RASAL2: variants seen among roughly 807,000 people sequenced by gnomAD.
RASAL2 encodes the protein RAS protein activator like 2, also known as ras GTPase-activating protein nGAP.
A neutral mutation model predicts 128.9 loss-of-function variants in RASAL2; 58 were observed. The ratio of observed to expected loss-of-function variants is 0.45; its 90% CI spans 0.36 to 0.56. The LOEUF is 0.56. Among genes scored for constraint, RASAL2 ranks in the 20% least tolerant of loss-of-function variants. The probability of loss-of-function intolerance (pLI) is 0.00; values close to 1 mark genes in which losing one functional copy is unlikely to be tolerated. For synonymous variants in RASAL2, 561 were observed against 580.8 expected, an observed-to-expected ratio of 0.97 and a Z score of 0.49; for missense variants, 1,360 against 1,601.6, an observed-to-expected ratio of 0.85 and a Z score of 2.57.
intron 2 of RASAL2, among the ~76,000 whole-genome samples, chr1:178,290,774 C>G (rs933113173): frequency 6.6e-6 from 1 of 152,086 alleles, no homozygotes; most frequent in African/African-American, 2.4e-5. Flanking sequence ...CTCCTGGGTT[C>G]ACGCCATTCT....
chr1:178,379,057 G>A (rs1332548014), intron 3 of RASAL2, among the ~76,000 whole-genome samples: 2 of 152,038 alleles, frequency 1.3e-5, no homozygotes, highest in East Asian at 3.9e-4. Context: ...CATGAAAAAA[G>A]GGTATAATTA....
Position 178,337,420 on chromosome 1 carries a change from A to G in RASAL2, c.457+37302A>G, listed in dbSNP as rs536881546. On this transcript the variant is annotated intron_variant, in intron 3 of 17. Transcript: ENST00000367649. ...GTGTTTGTCATTCAAATGATAAACA[A>G]TGGTTTTCTTTTTAAATATGAACTC... Among the ~76,000 whole-genome samples, 317 of 152,334 alleles carry G rather than the reference A, an allele frequency of 2.1e-3. 1 individual carries two copies. The highest frequency in any genetic ancestry group is 3.4e-3 in the Middle Eastern group (1 of 294).
At position 178,248,087 on chromosome 1, in the gene RASAL2, A is replaced by G. The variant is rs375423032; in HGVS notation, c.203-35477A>G. On this transcript the variant is annotated intron_variant, in intron 1 of 17. Transcript: ENST00000367649. ...AGTTCTGTAGATGTCTATTAGGTCC[A>G]CTTGGTCCAGAGCTGAGTTCAAATC... Among the ~76,000 whole-genome samples, 4 of 152,144 alleles carry G rather than the reference A, an allele frequency of 2.6e-5. No individual in the cohort carries two copies. The East Asian group carries it at 7.7e-4, about 29-fold the overall frequency.
chr1:178,313,539 G>A (rs1342348814), intron 3 of RASAL2, among the ~76,000 whole-genome samples: 1 of 151,610 alleles, frequency 6.6e-6, no homozygotes, highest in African/African-American at 2.4e-5. Context: ...CACCCGGGCT[G>A]GAGTGCAGTG....
At chr1:178,324,275 C>A (rs1668926588) in intron 3 of RASAL2, among the ~76,000 whole-genome samples, 1 of 152,072 alleles carries the variant, frequency 6.6e-6, no homozygotes, top group Non-Finnish European at 1.5e-5. Flanking sequence ...AAATTTGAAG[C>A]TGGTCATAGT....
intron 1 of RASAL2, among the ~76,000 whole-genome samples, chr1:178,137,689 A>G (rs1660374941): frequency 6.6e-6 from 1 of 152,202 alleles, no homozygotes; most frequent in Non-Finnish European, 1.5e-5. Flanking sequence ...ACAGAATGAA[A>G]AATTTTGTCA....
chr1:178,149,896 A>T (rs1010342953), intron 1 of RASAL2, among the ~76,000 whole-genome samples: 3 of 152,180 alleles, frequency 2.0e-5, no homozygotes, highest in Admixed American at 1.3e-4. Flanking sequence ...TAGACTAGGA[A>T]TGATTGTTAC....
At chr1:178,331,091 A>G (rs1331372748) in intron 3 of RASAL2, among the ~76,000 whole-genome samples, 1 of 152,236 alleles carries the variant, frequency 6.6e-6, no homozygotes, top group Admixed American at 6.5e-5. Flanking sequence ...ATTTGGCCCT[A>G]AAGTCAGTCC....
intron 4 of RASAL2, among the ~76,000 whole-genome samples, chr1:178,399,872 C>T (rs1191868910): frequency 2.0e-5 from 3 of 152,194 alleles, no homozygotes; most frequent in Admixed American, 6.5e-5. Context: ...CTTTAGCCTT[C>T]GCTCTGCTGC....
chr1:178,342,238 C>A (rs144010792), intron 3 of RASAL2, among the ~76,000 whole-genome samples: 210 of 152,276 alleles, frequency 1.4e-3, no homozygotes, highest in African/African-American at 4.3e-3. Flanking sequence ...TGGAGATTAT[C>A]TATAGTCTAT....
At chr1:178,284,898 A>C (rs558776909) in intron 2 of RASAL2, among the ~76,000 whole-genome samples, 3 of 152,098 alleles carry the variant, frequency 2.0e-5, no homozygotes, top group Non-Finnish European at 4.4e-5. Context: ...CAGAAAGGTG[A>C]GTTCAAAAGA....
At chr1:178,445,731 G>A (rs1270223559) in intron 9 of RASAL2, 69 bp downstream of exon 9, 10 of 1,452,800 alleles carry the variant, frequency 6.9e-6, no homozygotes, top group African/African-American at 1.4e-5. Flanking sequence ...ACCCCCATGA[G>A]ACGAATTGAG....
At chr1:178,450,018 T>G (rs537109494) in intron 9 of RASAL2, among the ~76,000 whole-genome samples, 53 of 152,110 alleles carry the variant, frequency 3.5e-4, no homozygotes, top group Non-Finnish European at 7.6e-4. Flanking sequence ...TAAATTTAGG[T>G]ACTCTTTAAA....
chr1:178,307,245 A>G (rs960829050), intron 3 of RASAL2, among the ~76,000 whole-genome samples: 1 of 152,020 alleles, frequency 6.6e-6, no homozygotes, highest in Admixed American at 6.6e-5. Flanking sequence ...CATACTAAAA[A>G]TATTTTTAAA....
intron 3 of RASAL2, among the ~76,000 whole-genome samples, chr1:178,376,628 G>A (rs1672001776): frequency 6.6e-6 from 1 of 152,048 alleles, no homozygotes; most frequent in African/African-American, 2.4e-5. Context: ...AACAGCTACT[G>A]TATTAATCTT....
intron 1 of RASAL2, among the ~76,000 whole-genome samples, chr1:178,203,968 A>C (rs1026384451): frequency 1.3e-5 from 2 of 152,214 alleles, no homozygotes; most frequent in African/African-American, 2.4e-5. Context: ...AGGAAAAAAA[A>C]CCATGACCTG....
intron 4 of RASAL2, among the ~76,000 whole-genome samples, chr1:178,397,073 C>T (rs1261847836): frequency 2.6e-5 from 4 of 152,084 alleles, no homozygotes; most frequent in Admixed American, 2.6e-4. Context: ...TTGACAGCTC[C>T]TCAAAACATT....
chr1:178,413,021 C>A (rs776691071), intron 4 of RASAL2, among the ~76,000 whole-genome samples: 1 of 150,332 alleles, frequency 6.7e-6, no homozygotes, highest in African/African-American at 2.5e-5. Context: ...TTTTCTCTTT[C>A]TTTCCTTCCT....
intron 1 of RASAL2, among the ~76,000 whole-genome samples, chr1:178,164,096 A>G (rs1661430732): frequency 1.3e-5 from 2 of 152,166 alleles, no homozygotes. Flanking sequence ...AGTATACAGG[A>G]ATTATTTGTA....
Sources: allele counts gnomAD v4.1 joint callset (sites outside exome capture counted in the v4.1 genomes callset), GRCh38; gene constraint gnomAD v4.1.1; transcripts MANE v1.5; gene names NCBI Gene and HGNC (gene_info 2026-07-23, HGNC 2026-07-21).